The following ATF7 variants were observed in gnomAD, a reference collection of about 807,000 sequenced individuals.
ATF7 encodes cyclic AMP-dependent transcription factor ATF-7.
In ATF7, 10 loss-of-function variants were observed where a neutral mutation model predicts 50.4. The ratio of observed to expected loss-of-function variants is 0.20; its 90% CI spans 0.12 to 0.34. The LOEUF is 0.34. Among genes scored for constraint, ATF7 ranks in the 10% least tolerant of loss-of-function variants. The pLI is 1.00. For missense variants in ATF7, 465 were observed against 613.9 expected (o/e 0.76, Z 2.56); for synonymous variants, 201 against 226.4 (o/e 0.89, Z 1.01).
At chr12:53,559,808 T>C (rs942842820) in intron 2 of ATF7, among the ~76,000 whole-genome samples, 3 of 152,292 alleles carry the variant, frequency 2.0e-5, no homozygotes, top group East Asian at 1.9e-4. Flanking sequence ...CACTGAAGCC[T>C]CCCATATATT....
intron 2 of ATF7, among the ~76,000 whole-genome samples, chr12:53,566,737 A>G (rs1454477309): frequency 2.0e-5 from 3 of 151,064 alleles, no homozygotes; most frequent in Non-Finnish European, 4.4e-5. Context: ...AAATGTTGAC[A>G]CAGTTTTTTT....
chr12:53,543,645 C>T (rs1022906653), intron 3 of ATF7, among the ~76,000 whole-genome samples, 197 bp from the exon 4 acceptor site: 2 of 152,090 alleles, frequency 1.3e-5, no homozygotes, highest in African/African-American at 4.8e-5. Context: ...GTTGTGTTGC[C>T]TCAAAGCCAG....
Position 53,566,767 on chromosome 12 carries a change from G to A in ATF7, c.49-14130C>T, listed in dbSNP as rs532334290. Among the ~76,000 whole-genome samples the A allele has an allele frequency of 2.2e-3, 334 of 151,888 alleles. 2 individuals carry two copies. The highest frequency in any genetic ancestry group is 7.8e-3 in the African/African-American group (325 of 41,426). ...TTTTTTTTGTTTTTGTTTTTGCTTT[G>A]TTTTGAGATGCAGTCTTGCTCTCTT... On this transcript the variant is annotated intron_variant, in intron 2 of 11. Coordinates refer to ENST00000420353, the MANE Select transcript of ATF7 (RefSeq NM_006856.3).
At chr12:53,605,153 C>T (rs183198946) in intron 1 of ATF7, among the ~76,000 whole-genome samples, 11 of 152,146 alleles carry the variant, frequency 7.2e-5, no homozygotes, top group East Asian at 3.9e-4. Flanking sequence ...CTTTGGGAGG[C>T]GGAGGCAGGC....
chr12:53,524,937 GCCT>G lies in ATF7; in HGVS notation c.928-179_928-177del. On this transcript the variant is annotated intron_variant, in intron 9 of 11. Coordinates refer to ENST00000420353, the MANE Select transcript of ATF7 (RefSeq NM_006856.3). This position sits in a 1 kb window ranked among gnomAD's most constrained non-coding sequence, Gnocchi z 4.6. ...CCCTTTTGTAGGAGTCCTCAATTTT[GCCT>G]CCTATTTCCTTCCAGTCTTCTCAGT... 1 of 596,610 alleles carries G rather than the reference GCCT, an allele frequency of 1.7e-6. No homozygotes were observed. Among genetic ancestry groups the G allele is most frequent in the Non-Finnish European group, 2.8e-6 (1 of 356,170 alleles). The allele number at this position is 596,610 out of a possible 1,614,324, so 37.0% of individuals were successfully genotyped here.
intron 9 of ATF7, among the ~76,000 whole-genome samples, chr12:53,527,279 G>A (rs1938537532): frequency 6.6e-6 from 1 of 151,228 alleles, no homozygotes; most frequent in Non-Finnish European, 1.5e-5. Context: ...GAGCCCAGGA[G>A]TTAGAGACCA....
intron 11 of ATF7, among the ~76,000 whole-genome samples, chr12:53,521,525 AC>A (rs1363407121): frequency 6.6e-6 from 1 of 152,100 alleles, no homozygotes; most frequent in African/African-American, 2.4e-5. Context: ...TCCCTATAGT[AC>A]TTTTCTTCCA....
intron 2 of ATF7, among the ~76,000 whole-genome samples, chr12:53,579,407 C>T (rs940532873): frequency 6.6e-6 from 1 of 151,674 alleles, no homozygotes; most frequent in African/African-American, 2.4e-5. Context: ...CAAAAATTAG[C>T]CGGGCATGGT....
chr12:53,593,831 T>C (rs1486719199), intron 2 of ATF7, among the ~76,000 whole-genome samples: 1 of 152,232 alleles, frequency 6.6e-6, no homozygotes, highest in Non-Finnish European at 1.5e-5. Flanking sequence ...GGCCATCTGC[T>C]GATTACTTAT....
At chr12:53,615,276 C>T (rs1392369191) in intron 1 of ATF7, among the ~76,000 whole-genome samples, 2 of 151,740 alleles carry the variant, frequency 1.3e-5, no homozygotes, top group African/African-American at 2.4e-5. Flanking sequence ...CCCAGCTACT[C>T]GGGAGGCTGA....
chr12:53,507,981 C>A (rs894125545), downstream of ATF7: 2 of 154,004 alleles, frequency 1.3e-5, no homozygotes, highest in African/African-American at 2.4e-5. Context: ...CAGGGCAACA[C>A]AGCCCATCCT....
intron 2 of ATF7, among the ~76,000 whole-genome samples, chr12:53,572,561 C>T (rs866358610): frequency 2.6e-4 from 40 of 152,096 alleles, no homozygotes; most frequent in African/African-American, 9.4e-4. Flanking sequence ...GTGCTTTTGG[C>T]GGGGGGAAAG....
chr12:53,564,604 T>TA (rs1226280493), intron 2 of ATF7, among the ~76,000 whole-genome samples: 1 of 152,166 alleles, frequency 6.6e-6, no homozygotes, highest in Non-Finnish European at 1.5e-5. Context: ...ATTCCTCCTT[T>TA]AAAAAATCGT....
intron 2 of ATF7, among the ~76,000 whole-genome samples, chr12:53,579,820 A>G (rs1368749330): frequency 1.3e-5 from 2 of 152,060 alleles, no homozygotes; most frequent in African/African-American, 2.4e-5. Flanking sequence ...ACTGAGATGC[A>G]CATGACAAAT....
intron 4 of ATF7, among the ~76,000 whole-genome samples, chr12:53,542,081 C>T (rs1006672123): frequency 4.1e-5 from 6 of 146,796 alleles, no homozygotes; most frequent in African/African-American, 1.3e-4. Context: ...GCTGGGATTA[C>T]GGGTGTGAGC....
chr12:53,612,960 C>T (rs1422261762), intron 1 of ATF7, among the ~76,000 whole-genome samples: 1 of 151,986 alleles, frequency 6.6e-6, no homozygotes, highest in East Asian at 1.9e-4. Context: ...GCCAACCTCA[C>T]AGCACTGCAC....
intron 1 of ATF7, among the ~76,000 whole-genome samples, chr12:53,603,067 GA>G (rs1455319373): frequency 6.6e-6 from 1 of 152,114 alleles, no homozygotes; most frequent in East Asian, 1.9e-4. Context: ...TTTCAACCAG[GA>G]AGTAAACTAC....
At chr12:53,552,295 A>G (rs1264997783) in intron 3 of ATF7, among the ~76,000 whole-genome samples, 1 of 152,260 alleles carries the variant, frequency 6.6e-6, no homozygotes, top group East Asian at 1.9e-4. Flanking sequence ...CCGAAAAAAA[A>G]CTAAGACGAA....
chr12:53,574,860 T>A, intron 2 of ATF7: 1 of 345,830 alleles, frequency 2.9e-6, no homozygotes, highest in Non-Finnish European at 5.5e-6. Context: ...AAAGAAATAG[T>A]AAATTCAAGA....
Sources: allele counts gnomAD v4.1 joint callset (sites outside exome capture counted in the v4.1 genomes callset), GRCh38; gene constraint gnomAD v4.1.1; non-coding constraint Gnocchi (gnomAD v3.1); transcripts MANE v1.5; gene names NCBI Gene and HGNC (gene_info 2026-07-23, HGNC 2026-07-21).